Variants in VPS13A observed in about 807,000 individuals in gnomAD.
The protein encoded by VPS13A is vacuolar protein sorting 13 homolog A, also known as intermembrane lipid transfer protein VPS13A.
Under a neutral mutation model 390.9 loss-of-function variants are expected in VPS13A, and 264 were observed. That is an observed-to-expected ratio of 0.68 (90% CI 0.61 to 0.75). The LOEUF (loss-of-function observed/expected upper bound fraction) is 0.75, where lower values mean the gene tolerates loss of function less well. VPS13A is among the 30% of genes least tolerant of loss of function. VPS13A has a pLI of 0.00. For synonymous variants in VPS13A, 1,231 were observed against 1,227.1 expected (o/e 1.00, Z -0.07); for missense variants, 3,409 against 3,733.9 (o/e 0.91, Z 2.27).
At chr9:77,323,866 C>T (rs949410958) in intron 45 of VPS13A, among the ~76,000 whole-genome samples, 8 of 146,352 alleles carry the variant, frequency 5.5e-5, no homozygotes, top group African/African-American at 2.0e-4. Context: ...CATGTTATTA[C>T]ATGCAGTTAC....
chr9:77,388,970 A>C (rs1833798396), intron 68 of VPS13A, among the ~76,000 whole-genome samples: 1 of 152,192 alleles, frequency 6.6e-6, no homozygotes, highest in Non-Finnish European at 1.5e-5. Flanking sequence ...TGACAACTTT[A>C]GTATTTTATA....
At chr9:77,405,772 AT>A in intron 69 of VPS13A, 91 bp from the exon 70 acceptor site, 1 of 1,510,810 alleles carries the variant, frequency 6.6e-7, no homozygotes, top group Non-Finnish European at 9.1e-7. Flanking sequence ...TGAATATTGC[AT>A]TTGCACTTGC....
At chr9:77,370,646 A>G in intron 65 of VPS13A, 68 bp downstream of exon 65, 1 of 1,596,684 alleles carries the variant, frequency 6.3e-7, no homozygotes, top group Non-Finnish European at 8.6e-7. Flanking sequence ...ATTTGCGAAT[A>G]AGGAAATAGA....
chr9:77,290,524 C>G lies in VPS13A; in HGVS notation c.3340-2817C>G, dbSNP rs554087438. 2.6e-5 allele frequency among the ~76,000 whole-genome samples: 4 copies of G among 151,950 alleles called. No individual in the cohort carries two copies. The South Asian group carries it at 6.2e-4, about 24-fold the overall frequency. On this transcript the variant is annotated intron_variant, in intron 31 of 71. Transcript: ENST00000360280. Reference sequence around the variant, plus strand: ...CCACCCCCTGGCTCCCCTGTTTTCTCCTCCTCCACTTTTTCCCTGTTCCTC... The same window carrying G: ...CCACCCCCTGGCTCCCCTGTTTTCTGCTCCTCCACTTTTTCCCTGTTCCTC...
intron 33 of VPS13A, among the ~76,000 whole-genome samples, chr9:77,297,683 A>G (rs547647025): frequency 1.3e-5 from 2 of 151,916 alleles, no homozygotes; most frequent in Admixed American, 6.6e-5. Context: ...TAAGCACCAA[A>G]TCTATCCCAG....
rs574337814 is a variant in VPS13A, at chr9:77,220,705, C to T, written c.989+322C>T. ...TCTTGCATTGTCTCTCCCCAACCCC[C>T]ACCTCAGCTTCCCTATCAGATACAC... On this transcript the variant is annotated intron_variant, in intron 12 of 71. Coordinates refer to ENST00000360280, the MANE Select transcript of VPS13A (RefSeq NM_033305.3). 2.0e-5 allele frequency among the ~76,000 whole-genome samples: 3 copies of T among 152,188 alleles called. No individual in the cohort carries two copies. The South Asian group carries it at 6.2e-4, about 32-fold the overall frequency.
chr9:77,259,217 A>C (rs1314053213), intron 22 of VPS13A, among the ~76,000 whole-genome samples: 3 of 152,198 alleles, frequency 2.0e-5, no homozygotes, highest in Non-Finnish European at 4.4e-5. Context: ...AGGCAAATAA[A>C]AGGATGCTTG....
At chr9:77,353,733 G>A in intron 54 of VPS13A, 92 bp downstream of exon 54, 1 of 1,273,502 alleles carries the variant, frequency 7.9e-7, no homozygotes, top group South Asian at 1.3e-5. Context: ...TTTAGTTTCA[G>A]TTTTGTGCTT....
chr9:77,401,075 A>T (rs999096502), intron 68 of VPS13A, among the ~76,000 whole-genome samples: 4 of 152,162 alleles, frequency 2.6e-5, no homozygotes, highest in Admixed American at 2.0e-4. Flanking sequence ...GTATATGCAT[A>T]GTGGTCAGTT....
chr9:77,199,973 T>G lies in VPS13A; in HGVS notation c.129T>G (p.Ile43Met), dbSNP rs372018749. The G allele has an allele frequency of 8.7e-6, 14 of 1,609,014 alleles. No homozygotes were observed. The highest frequency in any genetic ancestry group is 7.6e-6 in the Non-Finnish European group (9 of 1,177,668). The change falls in exon 2 of 72, where the codon ATT becomes ATG. Residue 43 changes from isoleucine (I) to methionine (M), a missense_variant. Physicochemically the swap from Ile to Met is conservative, Grantham distance 10. Transcript: ENST00000360280. ...KGAVALKNLQ[I>M]KENALSQLDV... ...CTGTGGCCCTCAAGAATCTTCAAAT[T>G]AAAGAAAATGCCCTGGTAGGTTTTG...
chr9:77,343,362 T>C (rs1197028896), intron 50 of VPS13A, among the ~76,000 whole-genome samples: 1 of 152,220 alleles, frequency 6.6e-6, no homozygotes, highest in African/African-American at 2.4e-5. Context: ...CACTTAGCTC[T>C]AACAACCAGG....
chr9:77,327,760 C>T (rs748815583), intron 45 of VPS13A, among the ~76,000 whole-genome samples: 1 of 152,044 alleles, frequency 6.6e-6, no homozygotes, highest in Non-Finnish European at 1.5e-5. Context: ...AATTCAGTCA[C>T]CTCTTCAGGC....
intron 40 of VPS13A, 105 bp downstream of exon 40, chr9:77,317,803 GGT>G (rs1385908075): frequency 3.9e-6 from 3 of 763,484 alleles, no homozygotes; most frequent in East Asian, 6.1e-5. Flanking sequence ...AAACAAAATA[GGT>G]GTGTTTTTGA....
intron 17 of VPS13A, among the ~76,000 whole-genome samples, chr9:77,229,929 T>C (rs1486426983): frequency 6.6e-6 from 1 of 152,160 alleles, no homozygotes; most frequent in South Asian, 2.1e-4. Flanking sequence ...CATCAACACT[T>C]GTTATTATCT....
intron 45 of VPS13A, among the ~76,000 whole-genome samples, chr9:77,330,400 T>G (rs900179953): frequency 6.6e-6 from 1 of 152,216 alleles, no homozygotes; most frequent in African/African-American, 2.4e-5. Context: ...TCCAGACTTT[T>G]GATCTTTCCT....
At chr9:77,237,725 A>G (rs1205065081) in intron 17 of VPS13A, among the ~76,000 whole-genome samples, 2 of 152,198 alleles carry the variant, frequency 1.3e-5, no homozygotes, top group Non-Finnish European at 2.9e-5. Context: ...TAAATATGCA[A>G]AACTTTTCAG....
intron 71 of VPS13A, among the ~76,000 whole-genome samples, chr9:77,413,578 A>G (rs1041868282): frequency 2.6e-5 from 4 of 152,232 alleles, no homozygotes; most frequent in Non-Finnish European, 5.9e-5. Context: ...TACACCTTAT[A>G]CAAAAATTAA....
At chr9:77,401,637 C>A (rs985005031) in intron 68 of VPS13A, among the ~76,000 whole-genome samples, 4 of 152,092 alleles carry the variant, frequency 2.6e-5, no homozygotes, top group African/African-American at 9.7e-5. Flanking sequence ...GATGTACTGT[C>A]ATCCACAAAT....
chr9:77,251,664 A>G (rs924216249), intron 21 of VPS13A, among the ~76,000 whole-genome samples: 1 of 151,828 alleles, frequency 6.6e-6, no homozygotes, highest in African/African-American at 2.4e-5. Flanking sequence ...CATGGTTTTT[A>G]TTGTCTATAT....
Sources: gnomAD v4.1 joint callset for allele counts (sites outside exome capture counted in the v4.1 genomes callset) on GRCh38, gnomAD v4.1.1 for gene constraint, MANE v1.5 for transcripts, NCBI Gene and HGNC (gene_info 2026-07-23, HGNC 2026-07-21) for gene names.